VPS13B: variants seen among roughly 807,000 people sequenced by gnomAD.
VPS13B encodes the protein vacuolar protein sorting 13 homolog B, also known as intermembrane lipid transfer protein VPS13B.
VPS13B carries 285 observed loss-of-function variants against 426.4 expected under a neutral mutation model. The ratio of observed to expected loss-of-function variants is 0.67; its 90% CI spans 0.61 to 0.74. VPS13B has a LOEUF of 0.74. Ranked by LOEUF, VPS13B falls within the 30% of genes least tolerant of loss-of-function variation. The pLI, the probability that VPS13B is intolerant of heterozygous loss-of-function variation, is 0.00. For missense variants in VPS13B, 4,537 were observed against 4,782.6 expected, an observed-to-expected ratio of 0.95 and a Z score of 1.51; for synonymous variants, 1,676 against 1,676.4, an observed-to-expected ratio of 1.00 and a Z score of 0.01.
chr8:99,544,698 C>T (rs1823861031), intron 30 of VPS13B, among the ~76,000 whole-genome samples: 3 of 151,966 alleles, frequency 2.0e-5, no homozygotes, highest in Admixed American at 2.0e-4. Context: ...TGCAAAACAA[C>T]AACAACAACA....
chr8:99,634,385 G>T (rs1044941114), intron 33 of VPS13B, among the ~76,000 whole-genome samples: 41 of 152,052 alleles, frequency 2.7e-4, no homozygotes, highest in African/African-American at 9.4e-4. Context: ...CTATCTGCAT[G>T]CTGCTTTTAT....
At chr8:99,142,567 TTAAA>T (rs997027289) in intron 12 of VPS13B, among the ~76,000 whole-genome samples, 21 of 152,218 alleles carry the variant, frequency 1.4e-4, no homozygotes, top group Non-Finnish European at 2.6e-4. Flanking sequence ...ATCATGTTAC[TTAAA>T]TAACCCAATT....
At chr8:99,104,711 C>T (rs1341178625) in intron 5 of VPS13B, among the ~76,000 whole-genome samples, 1 of 151,972 alleles carries the variant, frequency 6.6e-6, no homozygotes, top group Non-Finnish European at 1.5e-5. Flanking sequence ...GCAGCCTCGA[C>T]TTCCTGGGCT....
At chr8:99,275,289 CTTTTTT>C (rs11332378) in intron 19 of VPS13B, 35 bp downstream of exon 19, 179 of 1,194,662 alleles carry the variant, frequency 1.5e-4, no homozygotes, top group South Asian at 3.5e-4. Flanking sequence ...CCTTGTTTTG[CTTTTTT>C]TTTTTTTTTT....
At chr8:99,183,858 A>C (rs1813075074) in intron 16 of VPS13B, among the ~76,000 whole-genome samples, 1 of 152,314 alleles carries the variant, frequency 6.6e-6, no homozygotes, top group East Asian at 1.9e-4. Context: ...GCATTCATCA[A>C]CATAATCATG....
In VPS13B at chr8:99,092,668, C is replaced by T. The variant is rs111338447; in HGVS notation, c.292-3644C>T. ...AACTAAAATGTAATTGAAATGAAAGCAAGTTCAAATCATTGAAAGGATTAA... is the reference window on the plus strand; with the variant it reads ...AACTAAAATGTAATTGAAATGAAAGTAAGTTCAAATCATTGAAAGGATTAA... On this transcript the variant is annotated intron_variant, in intron 3 of 61. Transcript: ENST00000357162. 8.2e-3 allele frequency among the ~76,000 whole-genome samples: 1,245 copies of T among 151,984 alleles called. 17 individuals are homozygous for T. Among genetic ancestry groups the T allele is most frequent in the African/African-American group, 0.028 (1,178 of 41,500 alleles).
intron 23 of VPS13B, among the ~76,000 whole-genome samples, chr8:99,459,062 T>A (rs566422527): frequency 6.6e-6 from 1 of 152,200 alleles, no homozygotes; most frequent in Non-Finnish European, 1.5e-5. Flanking sequence ...GGTCTAACAT[T>A]TAAGTCCATT....
At chr8:99,257,052 A>T (rs1248995586) in intron 17 of VPS13B, among the ~76,000 whole-genome samples, 3 of 152,204 alleles carry the variant, frequency 2.0e-5, no homozygotes, top group Non-Finnish European at 4.4e-5. Context: ...AGAATAAAAG[A>T]CATATGAATC....
At chr8:99,857,812 C>A (rs751808221) in intron 56 of VPS13B, among the ~76,000 whole-genome samples, 10 of 152,198 alleles carry the variant, frequency 6.6e-5, no homozygotes, top group African/African-American at 9.7e-5. Context: ...CTTGCAGTTA[C>A]CGTGAGAATT....
chr8:99,579,940 T>C (rs1825970183), intron 33 of VPS13B, among the ~76,000 whole-genome samples: 1 of 152,058 alleles, frequency 6.6e-6, no homozygotes, highest in Non-Finnish European at 1.5e-5. Context: ...TCAGGTGATC[T>C]GGCCCCCTCA....
rs2129764118 is a variant in VPS13B at position 99,661,439 on chromosome 8, T to C, written c.5994T>C (p.Gly1998=). The C allele has an allele frequency of 6.2e-7, 1 of 1,613,746 alleles. No individual in the cohort carries two copies. Among genetic ancestry groups the C allele is most frequent in the Non-Finnish European group, 8.5e-7 (1 of 1,179,830 alleles). The change falls in exon 35 of 62, where the codon GGT becomes GGC. Residue 1998 remains glycine, a synonymous_variant. Coordinates refer to ENST00000357162, the MANE Select transcript of VPS13B (RefSeq NM_152564.5). ...TVPGEIDSKS[G]IPPSFITLQI... ...CTGGAGAAATAGACAGCAAAAGTGG[T>C]ATTCCACCTTCCTTTATAACACTAC...
rs187883545 is a variant in VPS13B, at chr8:99,572,771, A to T, written c.4950-2887A>T. Reference sequence around the variant, plus strand: ...AGTGCCGCAGTAAACATACGTGTGCATGTGTCTTTATAGCAGCATGATTTA... The same window carrying T: ...AGTGCCGCAGTAAACATACGTGTGCTTGTGTCTTTATAGCAGCATGATTTA... On this transcript the variant is annotated intron_variant, in intron 31 of 61. Coordinates refer to ENST00000357162, the MANE Select transcript of VPS13B (RefSeq NM_152564.5). Among the ~76,000 whole-genome samples the T allele has an allele frequency of 1.1e-4, 16 of 152,280 alleles. No individual in the cohort carries two copies. In the East Asian group the frequency reaches 3.1e-3, roughly 29 times the overall value.
chr8:99,400,786 T>G (rs920451262), intron 21 of VPS13B, among the ~76,000 whole-genome samples: 1 of 152,224 alleles, frequency 6.6e-6, no homozygotes, highest in Non-Finnish European at 1.5e-5. Context: ...TCCTCCTGCC[T>G]CAGCCTCCCA....
intron 3 of VPS13B, among the ~76,000 whole-genome samples, chr8:99,087,008 G>C (rs528871624): frequency 6.6e-6 from 1 of 152,196 alleles, no homozygotes; most frequent in Non-Finnish European, 1.5e-5. Flanking sequence ...ATTTAAGTCT[G>C]CAGAGGATTC....
At chr8:99,636,844 C>T (rs1829091000) in intron 33 of VPS13B, among the ~76,000 whole-genome samples, 1 of 152,054 alleles carries the variant, frequency 6.6e-6, no homozygotes, top group African/African-American at 2.4e-5. Flanking sequence ...ACGCAAAGTA[C>T]ATTTTCAAAC....
chr8:99,767,851 C>G (rs1198084910), intron 40 of VPS13B, among the ~76,000 whole-genome samples: 2 of 152,112 alleles, frequency 1.3e-5, no homozygotes, highest in African/African-American at 4.8e-5. Context: ...ATCCCTTGAG[C>G]CCCGGAGGGT....
At chr8:99,344,957 C>T (rs1365852354) in intron 19 of VPS13B, among the ~76,000 whole-genome samples, 1 of 152,046 alleles carries the variant, frequency 6.6e-6, no homozygotes, top group African/African-American at 2.4e-5. Context: ...AGATATTCTG[C>T]ATATTTTAAA....
chr8:99,842,137 G>A (rs923237215), intron 54 of VPS13B, among the ~76,000 whole-genome samples: 2 of 152,110 alleles, frequency 1.3e-5, no homozygotes, highest in African/African-American at 4.8e-5. Context: ...GATATCAGTA[G>A]TACATTTTAA....
At chr8:99,437,281 T>G (rs766931158) in intron 22 of VPS13B, among the ~76,000 whole-genome samples, 1 of 152,124 alleles carries the variant, frequency 6.6e-6, no homozygotes, top group Non-Finnish European at 1.5e-5. Context: ...GTATATTACA[T>G]AAAATCATTA....
Sources: allele counts gnomAD v4.1 joint callset (sites outside exome capture counted in the v4.1 genomes callset), GRCh38; gene constraint gnomAD v4.1.1; transcripts MANE v1.5; gene names NCBI Gene and HGNC (gene_info 2026-07-23, HGNC 2026-07-21).